The following PCDHA13 variants were observed in gnomAD, a reference collection of about 807,000 sequenced individuals.
The protein encoded by PCDHA13 is protocadherin alpha 13, also known as protocadherin alpha-13.
PCDHA13 carries 54 observed loss-of-function variants against 64.8 expected under a neutral mutation model. The observed-to-expected ratio is 0.83, with a 90% CI of 0.67 to 1.04. PCDHA13 has a LOEUF of 1.04. Among genes scored for constraint, PCDHA13 ranks in the 50% least tolerant of loss-of-function variants. PCDHA13 has a pLI of 0.00. For missense variants in PCDHA13, 1,248 were observed against 1,254.3 expected (o/e 0.99, Z 0.08); for synonymous variants, 587 against 564.4 (o/e 1.04, Z -0.57).
chr5:140,920,728 C>T (rs781955762), intron 1 of PCDHA13, among the ~76,000 whole-genome samples: 8 of 151,974 alleles, frequency 5.3e-5, no homozygotes, highest in Non-Finnish European at 1.0e-4. Context: ...CCTGCAGTCC[C>T]AGCTACTCAG....
chr5:140,969,921 G>A (rs1417032241), intron 1 of PCDHA13, among the ~76,000 whole-genome samples: 2 of 152,198 alleles, frequency 1.3e-5, no homozygotes, highest in African/African-American at 2.4e-5. Flanking sequence ...TAAAGCTGTA[G>A]TATTTAGACA....
At chr5:140,925,092 AGGAAGGAAGGAAGGAG>A (rs1190692996) in intron 1 of PCDHA13, among the ~76,000 whole-genome samples, 1 of 151,410 alleles carries the variant, frequency 6.6e-6, no homozygotes, top group Non-Finnish European at 1.5e-5. Flanking sequence ...AAAGGAAGGA[AGGAAGGAAGGAAGGAG>A]GGAAGGAAGG....
intron 1 of PCDHA13, among the ~76,000 whole-genome samples, chr5:140,935,064 T>C (rs782620164): frequency 5.9e-5 from 9 of 152,252 alleles, no homozygotes; most frequent in Admixed American, 2.0e-4. Flanking sequence ...GATGTTCAGA[T>C]TATCTTGTAC....
intron 1 of PCDHA13, among the ~76,000 whole-genome samples, chr5:140,907,407 C>G (rs1438882988): frequency 3.3e-5 from 5 of 152,168 alleles, no homozygotes; most frequent in African/African-American, 1.2e-4. Flanking sequence ...GTGTGGAATA[C>G]CACGATGGTG....
intron 3 of PCDHA13, among the ~76,000 whole-genome samples, chr5:141,004,025 A>G (rs191768123): frequency 1.3e-5 from 2 of 152,316 alleles, no homozygotes; most frequent in Non-Finnish European, 2.9e-5. Context: ...AAGAAGAAAC[A>G]TTTCCTTGAT....
intron 1 of PCDHA13, among the ~76,000 whole-genome samples, chr5:140,963,206 A>C (rs988428405): frequency 2.0e-5 from 3 of 152,084 alleles, no homozygotes; most frequent in East Asian, 1.9e-4. Flanking sequence ...GAAAAAAAAA[A>C]CCTCGTGTTT....
At chr5:140,948,563 AT>A (rs1400147953) in intron 1 of PCDHA13, among the ~76,000 whole-genome samples, 1 of 151,546 alleles carries the variant, frequency 6.6e-6, no homozygotes, top group East Asian at 1.9e-4. Context: ...GTTAAGTTGT[AT>A]TTTTTAAAGG....
chr5:140,899,056 G>A (rs1370417194), intron 1 of PCDHA13, among the ~76,000 whole-genome samples: 1 of 152,062 alleles, frequency 6.6e-6, no homozygotes, highest in Non-Finnish European at 1.5e-5. Context: ...CTGAGACTTT[G>A]CTGAAGTTGC....
chr5:140,886,565 C>T (rs1298575680), intron 1 of PCDHA13, among the ~76,000 whole-genome samples: 1 of 152,100 alleles, frequency 6.6e-6, no homozygotes, highest in Admixed American at 6.5e-5. Flanking sequence ...CGGTGGCTCA[C>T]GCCTGTAATC....
rs1464705038 is a variant in PCDHA13 at position 140,883,214 on chromosome 5, T to C, written c.946T>C (p.Tyr316His). 4.3e-6 allele frequency: 7 copies of C among 1,613,892 alleles called. No individual in the cohort carries two copies. The highest frequency in any genetic ancestry group is 5.9e-6 in the Non-Finnish European group (7 of 1,180,024). Reference protein sequence around the residue: ...GKLDFEEKKLYEISVEAVDKG... With the variant: ...GKLDFEEKKLHEISVEAVDKG... The stretch of plus-strand genomic sequence containing the variant: ...ACTAGATTTCGAAGAAAAGAAATTA[T>C]ATGAAATATCCGTGGAGGCAGTTGA... Residue 316 changes from tyrosine to histidine, a missense_variant, in exon 1 of 4, where the codon TAT becomes CAT. Coordinates refer to ENST00000289272, the MANE Select transcript of PCDHA13 (RefSeq NM_018904.3).
At chr5:140,968,036 A>T in intron 1 of PCDHA13, 1 of 1,614,160 alleles carries the variant, frequency 6.2e-7, no homozygotes, top group Non-Finnish European at 8.5e-7. Context: ...ACTGGTGGTG[A>T]GCGGCCCACT....
In PCDHA13 at chr5:140,882,360, T is replaced by A; in HGVS notation, c.92T>A (p.Leu31His). The A allele has an allele frequency of 6.2e-7, 1 of 1,614,134 alleles. No homozygotes were observed. The change falls in exon 1 of 4, where the codon CTC (leucine) becomes CAC (histidine). Residue 31 changes from leucine to histidine, a missense_variant. By Grantham distance (99) the Leu-to-His change is moderately conservative. Transcript: ENST00000289272. ...GCCTGGGAGACGGGTAGTGGCCAGC[T>A]CCACTACTCCGTCCCCGAGGAAGCA... Reference protein sequence around the residue: ...LAAWETGSGQLHYSVPEEAKH... With the variant: ...LAAWETGSGQHHYSVPEEAKH...
At chr5:140,999,001 C>T (rs1405051280) in intron 3 of PCDHA13, among the ~76,000 whole-genome samples, 3 of 152,214 alleles carry the variant, frequency 2.0e-5, no homozygotes, top group Non-Finnish European at 4.4e-5. Flanking sequence ...AATGCTGGAG[C>T]TGAGATTTGA....
chr5:140,926,903 G>C (rs369906778), intron 1 of PCDHA13: 13 of 1,557,942 alleles, frequency 8.3e-6, no homozygotes, highest in African/African-American at 1.4e-5. Flanking sequence ...ATGGTGGGCT[G>C]TGGGGTGGCA....
intron 3 of PCDHA13, among the ~76,000 whole-genome samples, chr5:140,991,007 G>C (rs2153892777): frequency 6.6e-6 from 1 of 152,280 alleles, no homozygotes; most frequent in South Asian, 2.1e-4. Flanking sequence ...ATTGAGAACT[G>C]TGATAAGCAC....
intron 1 of PCDHA13, among the ~76,000 whole-genome samples, chr5:140,930,720 A>T (rs574022781): frequency 5.3e-5 from 8 of 152,226 alleles, no homozygotes; most frequent in Non-Finnish European, 8.8e-5. Flanking sequence ...TCAAGTAATG[A>T]TGTTAACTGC....
intron 3 of PCDHA13, among the ~76,000 whole-genome samples, chr5:140,991,523 T>A (rs73268060): frequency 0.032 from 4,843 of 152,294 alleles, 263 homozygotes; most frequent in African/African-American, 0.11. Flanking sequence ...CAAGGTGTGT[T>A]CTTGCCACTA....
At chr5:140,964,183 C>A (rs1422782402) in intron 1 of PCDHA13, among the ~76,000 whole-genome samples, 2 of 152,164 alleles carry the variant, frequency 1.3e-5, no homozygotes, top group Non-Finnish European at 2.9e-5. Context: ...CATTATAGTG[C>A]CAAATAGAGT....
At chr5:140,940,566 G>T (rs1226026261) in intron 1 of PCDHA13, among the ~76,000 whole-genome samples, 1 of 151,754 alleles carries the variant, frequency 6.6e-6, no homozygotes, top group African/African-American at 2.4e-5. Flanking sequence ...CTCCTACCTT[G>T]GCTCCCAAAG....
Sources: gnomAD v4.1 joint callset for allele counts (sites outside exome capture counted in the v4.1 genomes callset) on GRCh38, gnomAD v4.1.1 for gene constraint, MANE v1.5 for transcripts, NCBI Gene and HGNC (gene_info 2026-07-23, HGNC 2026-07-21) for gene names.